Variants in KMT2C observed in about 807,000 individuals in gnomAD.
The protein encoded by KMT2C is histone-lysine N-methyltransferase 2C.
Under a neutral mutation model 507.9 loss-of-function variants are expected in KMT2C, and 88 were observed. The observed-to-expected ratio is 0.17, with a 90% CI of 0.15 to 0.21. The LOEUF is 0.21. KMT2C is among the 10% of genes least tolerant of loss of function. The probability of loss-of-function intolerance (pLI) is 1.00; values close to 1 mark genes in which losing one functional copy is unlikely to be tolerated. For synonymous variants in KMT2C, 2,049 were observed against 2,080.8 expected (o/e 0.98, Z 0.42); for missense variants, 4,954 against 5,957.8 (o/e 0.83, Z 5.55).
At chr7:152,419,209 G>A (rs2097764183) in intron 1 of KMT2C, among the ~76,000 whole-genome samples, 1 of 151,972 alleles carries the variant, frequency 6.6e-6, no homozygotes, top group African/African-American at 2.4e-5. Flanking sequence ...AAATTAGCCG[G>A]GCATGGTGGC....
At chr7:152,268,001 T>C (rs7801974) in intron 7 of KMT2C, among the ~76,000 whole-genome samples, 1 of 152,150 alleles carries the variant, frequency 6.6e-6, no homozygotes, top group Admixed American at 6.5e-5. Context: ...TGCTCATGGC[T>C]GGGCACAGAC....
intron 1 of KMT2C, among the ~76,000 whole-genome samples, chr7:152,400,617 G>C (rs914712515): frequency 6.6e-6 from 1 of 152,146 alleles, no homozygotes; most frequent in Non-Finnish European, 1.5e-5. Flanking sequence ...AATTGCACTT[G>C]AATAAAATAA....
At chr7:152,342,317 TATTTTA>T (rs559555234) in intron 2 of KMT2C, among the ~76,000 whole-genome samples, 9 of 151,570 alleles carry the variant, frequency 5.9e-5, no homozygotes, top group African/African-American at 2.2e-4. Context: ...ATAGTTTTAC[TATTTTA>T]ATAAGAATTA....
At chr7:152,205,332 T>C (rs1028182919) in intron 24 of KMT2C, 107 bp from the exon 25 acceptor site, 1 of 777,898 alleles carries the variant, frequency 1.3e-6, no homozygotes, top group African/African-American at 1.8e-5. Flanking sequence ...TTTTCCAAAA[T>C]TAAATCTGTG....
At chr7:152,376,128 TG>T (rs545749994) in intron 1 of KMT2C, among the ~76,000 whole-genome samples, 405 of 152,322 alleles carry the variant, frequency 2.7e-3, no homozygotes, top group Non-Finnish European at 3.9e-3. Flanking sequence ...GTAATTGTTT[TG>T]GAACACCATG....
At chr7:152,259,442 A>ACG (rs747764672) in intron 9 of KMT2C, among the ~76,000 whole-genome samples, 2,691 of 117,992 alleles carry the variant, frequency 0.023, 82 homozygotes, top group African/African-American at 0.087. Flanking sequence ...AGACACACAC[A>ACG]CGCGCACACA....
At chr7:152,223,184 A>C (rs1040943637) in intron 20 of KMT2C, among the ~76,000 whole-genome samples, 1 of 152,208 alleles carries the variant, frequency 6.6e-6, no homozygotes, top group Admixed American at 6.5e-5. Context: ...TGATAAAATA[A>C]TACTATTAAT....
intron 6 of KMT2C, among the ~76,000 whole-genome samples, chr7:152,308,056 G>A (rs12112903): frequency 0.036 from 5,455 of 152,216 alleles, 140 homozygotes; most frequent in South Asian, 0.088. Context: ...TGTTCAGGCT[G>A]GGGAAAATAC....
rs200998315 is a variant in KMT2C, at chr7:152,355,532, TGAA to T, written c.250+3052_250+3054del. ...AGCGAAGAGAATGAGAAAAAACCAG[TGAA>T]GGAGTAGGAAAAAACAAAAAAACAA... On this transcript the variant is annotated intron_variant, in intron 2 of 58. Transcript: ENST00000262189. 4.7e-3 allele frequency among the ~76,000 whole-genome samples: 699 copies of T among 149,752 alleles called. 4 individuals are homozygous for T. The highest frequency in any genetic ancestry group is 0.015 in the African/African-American group (599 of 40,554).
chr7:152,175,441 T>C (rs1277852378), intron 38 of KMT2C, among the ~76,000 whole-genome samples: 1 of 151,988 alleles, frequency 6.6e-6, no homozygotes, highest in Non-Finnish European at 1.5e-5. Context: ...CTACATTAGG[T>C]ATTTCTCCTA....
chr7:152,178,446 C>G (rs913924779), intron 37 of KMT2C, among the ~76,000 whole-genome samples: 1 of 152,152 alleles, frequency 6.6e-6, no homozygotes, highest in Non-Finnish European at 1.5e-5. Context: ...GAGGGACTTA[C>G]AGGCCTCAGT....
rs369154766 is a variant in KMT2C, at chr7:152,152,968, C to T, written c.12277-14G>A. 6 of 1,612,840 alleles carry T rather than the reference C, an allele frequency of 3.7e-6. No individual in the cohort carries two copies. The African/African-American group carries it at 4.0e-5, about 11-fold the overall frequency. On this transcript the variant is annotated splice_polypyrimidine_tract_variant and intron_variant, in intron 48 of 58. Transcript: ENST00000262189. Reference sequence around the variant, plus strand: ...ACTGCTAATGTTCTAAAACCAAATGCAAATGCTGTATTATTCACCCAGAAG... The same window carrying T: ...ACTGCTAATGTTCTAAAACCAAATGTAAATGCTGTATTATTCACCCAGAAG...
At chr7:152,178,363 T>C (rs2093302975) in intron 37 of KMT2C, among the ~76,000 whole-genome samples, 1 of 152,098 alleles carries the variant, frequency 6.6e-6, no homozygotes, top group Admixed American at 6.6e-5. Flanking sequence ...CTTTTATCTA[T>C]ATTTAGGGAG....
intron 6 of KMT2C, among the ~76,000 whole-genome samples, chr7:152,283,909 A>G (rs1396512174): frequency 1.3e-5 from 2 of 152,126 alleles, no homozygotes; most frequent in African/African-American, 2.4e-5. Context: ...TTATATAATC[A>G]CAGCAAATAA....
At chr7:152,284,524 A>G (rs1588898516) in intron 6 of KMT2C, among the ~76,000 whole-genome samples, 1 of 152,296 alleles carries the variant, frequency 6.6e-6, no homozygotes, top group South Asian at 2.1e-4. Flanking sequence ...AATAAAGCAT[A>G]AACAGCATAA....
At chr7:152,139,635 G>T (rs2129089743) in intron 56 of KMT2C, 40 bp downstream of exon 56, 1 of 1,311,754 alleles carries the variant, frequency 7.6e-7, no homozygotes, top group Non-Finnish European at 1.1e-6. Flanking sequence ...GGGAGAGGAT[G>T]ATGGTGCTGT....
rs2129147988 is a variant in KMT2C, at chr7:152,224,531, C to G, written c.3062G>C (p.Arg1021Thr). ...EACGKATDPG[R>T]LLLCDDCDIS... Reference sequence around the variant, plus strand: ...GTCACAGTCATCACACAGCAGGAGTCTTCCTGGGTCAGTTGCCTTCCCACA... The same window carrying G: ...GTCACAGTCATCACACAGCAGGAGTGTTCCTGGGTCAGTTGCCTTCCCACA... Residue 1021 changes from arginine (R) to threonine (T), a missense_variant, in exon 19 of 59, where the codon AGA becomes ACA. This residue lies in a region of KMT2C where 52 missense variants were observed against 162.4 expected (regional missense o/e 0.32). Transcript: ENST00000262189. The G allele has an allele frequency of 6.2e-7, 1 of 1,611,590 alleles. No individual in the cohort carries two copies. The highest frequency in any genetic ancestry group is 8.5e-7 in the Non-Finnish European group (1 of 1,179,514).
At chr7:152,231,194 C>G (rs1270160826) in intron 16 of KMT2C, among the ~76,000 whole-genome samples, 3 of 152,100 alleles carry the variant, frequency 2.0e-5, no homozygotes, top group Non-Finnish European at 4.4e-5. Context: ...CAGTATTAGC[C>G]ATATGATTAT....
intron 27 of KMT2C, among the ~76,000 whole-genome samples, chr7:152,197,327 T>C (rs1468649793): frequency 6.6e-6 from 1 of 152,236 alleles, no homozygotes; most frequent in Non-Finnish European, 1.5e-5. Flanking sequence ...TTAATAATTA[T>C]ATTAGTCATT....
Sources: gnomAD v4.1 joint callset for allele counts (sites outside exome capture counted in the v4.1 genomes callset) on GRCh38, gnomAD v4.1.1 for gene constraint, gnomAD v4.1.1 regional missense constraint, MANE v1.5 for transcripts, NCBI Gene and HGNC (gene_info 2026-07-23, HGNC 2026-07-21) for gene names.